TAF5L: variants seen among roughly 807,000 people sequenced by gnomAD.
TAF5L encodes the protein TAF5-like RNA polymerase II p300/CBP-associated factor-associated factor 65 kDa subunit 5L.
In TAF5L, 7 loss-of-function variants were observed where a neutral mutation model predicts 51.3. The ratio of observed to expected loss-of-function variants is 0.14; its 90% CI spans 0.08 to 0.26. The LOEUF (loss-of-function observed/expected upper bound fraction) is 0.26, where lower values mean the gene tolerates loss of function less well. Ranked by LOEUF, TAF5L falls within the 10% of genes least tolerant of loss-of-function variation. The pLI, the probability that TAF5L is intolerant of heterozygous loss-of-function variation, is 1.00. For missense variants in TAF5L, 575 were observed against 758.9 expected (o/e 0.76, Z 2.85); for synonymous variants, 291 against 308.1 (o/e 0.94, Z 0.58).
At chr1:229,614,587 G>C in intron 1 of TAF5L, 102 bp from the exon 2 acceptor site, 1 of 1,468,424 alleles carries the variant, frequency 6.8e-7, no homozygotes, top group Non-Finnish European at 9.2e-7. Flanking sequence ...GGGAGAGAAA[G>C]ACCAGCCATG....
chr1:229,609,314 T>C (rs1664708728), intron 3 of TAF5L, among the ~76,000 whole-genome samples: 1 of 152,220 alleles, frequency 6.6e-6, no homozygotes, highest in Non-Finnish European at 1.5e-5. Flanking sequence ...TACATTTTTG[T>C]ATTTTTTTAA....
chr1:229,611,898 A>AT (rs1310388439), intron 2 of TAF5L, among the ~76,000 whole-genome samples: 1 of 152,140 alleles, frequency 6.6e-6, no homozygotes, highest in African/African-American at 2.4e-5. Context: ...ACCCCCAACT[A>AT]TATGTCAGGA....
At chr1:229,624,832 T>G (rs898124399) in intron 1 of TAF5L, among the ~76,000 whole-genome samples, 1 of 152,200 alleles carries the variant, frequency 6.6e-6, no homozygotes, top group Non-Finnish European at 1.5e-5. Context: ...CAAGTAGAGC[T>G]GTGACCAGGA....
intron 3 of TAF5L, among the ~76,000 whole-genome samples, chr1:229,607,991 C>G (rs1009473604): frequency 6.6e-6 from 1 of 152,090 alleles, no homozygotes; most frequent in Non-Finnish European, 1.5e-5. Flanking sequence ...AAAGTAAGAA[C>G]TTAAAGGAAA....
At chr1:229,609,420 C>T (rs999534748) in intron 3 of TAF5L, among the ~76,000 whole-genome samples, 7 of 152,252 alleles carry the variant, frequency 4.6e-5, no homozygotes, top group South Asian at 2.1e-4. Context: ...TTAATACACT[C>T]GGTTGATTGC....
rs144756502 is a variant in TAF5L at position 229,594,657 on chromosome 1, G to A, written c.1410C>T (p.Pro470=). ...TGGGAGAAAAGGCGAGAGAAAGCACGGGGCCACGGTGGCCTGTGAAAAGCC... is the reference window on the plus strand; with the variant it reads ...TGGGAGAAAAGGCGAGAGAAAGCACAGGGCCACGGTGGCCTGTGAAAAGCC... Residue 470 remains proline, a synonymous_variant, in exon 5 of 5, where the codon CCC becomes CCT. Transcript: ENST00000258281. The surrounding 1 kb of genome is among the most constrained non-coding windows in gnomAD (Gnocchi z 7.9). The A allele has an allele frequency of 3.2e-5, 52 of 1,614,064 alleles. No individual in the cohort carries two copies. Among genetic ancestry groups the A allele is most frequent in the African/African-American group, 9.3e-5 (7 of 74,926 alleles).
In TAF5L at chr1:229,602,276, T is replaced by C. The variant is rs1664405833; in HGVS notation, c.891A>G (p.Leu297=). Residue 297 remains leucine, a synonymous_variant, in exon 4 of 5, where the codon TTA becomes TTG. Coordinates refer to ENST00000258281, the Ensembl canonical transcript of TAF5L. The surrounding 1 kb of genome is among the most constrained non-coding windows in gnomAD (Gnocchi z 4.6). ...GCTCTGATTTTAACTTCTTGGATCG[T>C]AAACTCCAAAGTTTTATACAGGAGT... The C allele has an allele frequency of 6.2e-7, 1 of 1,614,068 alleles. No individual in the cohort carries two copies. The highest frequency in any genetic ancestry group is 8.5e-7 in the Non-Finnish European group (1 of 1,180,032).
Position 229,625,811 on chromosome 1 carries a change from G to A in TAF5L, c.-4+74C>T, listed in dbSNP as rs913744959. On this transcript the variant is annotated intron_variant, in intron 1 of 4. Coordinates refer to ENST00000258281, the Ensembl canonical transcript of TAF5L. This position sits in a 1 kb window ranked among gnomAD's most constrained non-coding sequence, Gnocchi z 4.0. ...CGCCCCGCCGAGGCCCCACCGCCCC[G>A]GCCCCCGCCCGCCCGCGCGCGCGCG... 5 of 67,438 alleles carry A rather than the reference G, an allele frequency of 7.4e-5. No individual in the cohort carries two copies. The highest frequency in any genetic ancestry group is 1.1e-3 in the South Asian group (2 of 1,896). 4.2% of individuals were successfully genotyped at this position (67,438 alleles called of 1,614,324 possible).
chr1:229,621,031 T>C (rs918836585), intron 1 of TAF5L, among the ~76,000 whole-genome samples: 2 of 152,164 alleles, frequency 1.3e-5, no homozygotes, highest in Admixed American at 6.5e-5. Context: ...AGAGCAGTAC[T>C]GTCCAAGAGG....
At chr1:229,595,303 A>G (rs912382024) in intron 4 of TAF5L, among the ~76,000 whole-genome samples, 38 of 152,214 alleles carry the variant, frequency 2.5e-4, no homozygotes, top group African/African-American at 8.9e-4. Context: ...ACGACTTACA[A>G]ATTGCTCCCC....
intron 1 of TAF5L, among the ~76,000 whole-genome samples, chr1:229,615,640 T>C (rs1269683767): frequency 6.6e-6 from 1 of 151,822 alleles, no homozygotes; most frequent in Non-Finnish European, 1.5e-5. Context: ...GAGGCACTGT[T>C]TCCTTTGACT....
chr1:229,614,665 T>C (rs1009708437), intron 1 of TAF5L, among the ~76,000 whole-genome samples, 180 bp from the exon 2 acceptor site: 2 of 152,206 alleles, frequency 1.3e-5, no homozygotes, highest in East Asian at 1.9e-4. Flanking sequence ...CTCTTCCATT[T>C]TGTCTGTTTC....
At chr1:229,612,467 G>C (rs1664822589) in intron 2 of TAF5L, among the ~76,000 whole-genome samples, 3 of 152,212 alleles carry the variant, frequency 2.0e-5, no homozygotes, top group African/African-American at 7.2e-5. Flanking sequence ...CAGAGGCCTT[G>C]TAAATGGACT....
At position 229,613,878 on chromosome 1, in the gene TAF5L, T is replaced by TATA. The variant is rs534855756; in HGVS notation, c.142+460_142+462dup. 7.9e-5 allele frequency among the ~76,000 whole-genome samples: 12 copies of TATA among 152,260 alleles called. No individual in the cohort carries two copies. The South Asian group carries it at 1.5e-3, about 18-fold the overall frequency. On this transcript the variant is annotated intron_variant, in intron 2 of 4. Transcript: ENST00000258281. ...ATTAAAAAAACTTCAGGAATGTGTC[T>TATA]ATAATAATAATAATATTTCCAACTA...
Position 229,594,055 on chromosome 1 carries a change from G to A in TAF5L, c.*242C>T. 2.1e-6 allele frequency: 1 copy of A among 474,730 alleles called. No homozygotes were observed. Among genetic ancestry groups the A allele is most frequent in the Non-Finnish European group, 3.9e-6 (1 of 258,714 alleles). The allele number at this position is 474,730 out of a possible 1,614,324, so 29.4% of individuals were successfully genotyped here. ...CGGCAGAGTCTCCATGAGGACTTGTGAGTGACCTCCAGGGCACTCTAATTC... is the reference window on the plus strand; with the variant it reads ...CGGCAGAGTCTCCATGAGGACTTGTAAGTGACCTCCAGGGCACTCTAATTC... On this transcript the variant is annotated 3_prime_UTR_variant, in exon 5 of 5. Coordinates refer to ENST00000258281, the Ensembl canonical transcript of TAF5L. The surrounding 1 kb of genome is among the most constrained non-coding windows in gnomAD (Gnocchi z 7.9).
intron 3 of TAF5L, among the ~76,000 whole-genome samples, chr1:229,604,248 C>T (rs796405999): frequency 2.1e-4 from 32 of 150,880 alleles, no homozygotes; most frequent in African/African-American, 6.6e-4. Flanking sequence ...GAATCTTGCT[C>T]CCTAATTTGA....
chr1:229,605,569 C>G (rs1016039429), intron 3 of TAF5L, among the ~76,000 whole-genome samples: 2 of 151,504 alleles, frequency 1.3e-5, no homozygotes, highest in African/African-American at 2.4e-5. Flanking sequence ...CCACGGCACA[C>G]AGATATTCAG....
chr1:229,617,384 C>T (rs998531522), intron 1 of TAF5L, among the ~76,000 whole-genome samples: 2 of 152,206 alleles, frequency 1.3e-5, no homozygotes, highest in African/African-American at 2.4e-5. Flanking sequence ...CTATCACTTG[C>T]TACAGCTGCT....
At position 229,625,772 on chromosome 1, in the gene TAF5L, C is replaced by T. The variant is rs1665433726; in HGVS notation, c.-4+113G>A. ...GCGCCCCACCCCCACCGCCCGCCGG[C>T]GGGAGCCAAGGCGCGCCCCGCCGAG... is the stretch of plus-strand genomic sequence containing the variant. On this transcript the variant is annotated intron_variant, in intron 1 of 4. Transcript: ENST00000258281. This position sits in a 1 kb window ranked among gnomAD's most constrained non-coding sequence, Gnocchi z 4.0. The T allele has an allele frequency of 7.5e-6, 1 of 134,052 alleles. No individual in the cohort carries two copies. 8.3% of individuals were successfully genotyped at this position (134,052 alleles called of 1,614,324 possible). A position where few individuals can be genotyped will look rare whatever the true frequency, so the allele number is the denominator to read the frequency against.
Sources: gnomAD v4.1 joint callset for allele counts (sites outside exome capture counted in the v4.1 genomes callset) on GRCh38, gnomAD v4.1.1 for gene constraint, Gnocchi (gnomAD v3.1) non-coding constraint, MANE v1.5 for transcripts, NCBI Gene and HGNC (gene_info 2026-07-23, HGNC 2026-07-21) for gene names.